The following HPSE2 variants were observed in gnomAD, a reference collection of about 807,000 sequenced individuals.
HPSE2 encodes the protein inactive heparanase-2.
HPSE2 carries 38 observed loss-of-function variants against 60.5 expected under a neutral mutation model. That is an observed-to-expected ratio of 0.63 (90% CI 0.48 to 0.82). The LOEUF (loss-of-function observed/expected upper bound fraction) is 0.82. HPSE2 is among the 40% of genes least tolerant of loss of function. The probability of loss-of-function intolerance (pLI) is 0.00; values close to 1 mark genes in which losing one functional copy is unlikely to be tolerated. For missense variants in HPSE2, 713 were observed against 740.4 expected, an observed-to-expected ratio of 0.96 and a Z score of 0.43; for synonymous variants, 295 against 293.2, an observed-to-expected ratio of 1.01 and a Z score of -0.06.
At position 98,472,987 on chromosome 10, in the gene HPSE2, T is replaced by C. The variant is rs1940842631; in HGVS notation, c.1613+9649A>G. 2.6e-5 allele frequency among the ~76,000 whole-genome samples: 4 copies of C among 152,134 alleles called. No individual in the cohort carries two copies. The South Asian group carries it at 8.3e-4, about 32-fold the overall frequency. ...GGACATAGAAAATTCATAAAAGCAA[T>C]ACAATACTAACATATGAAAAATCTT... On this transcript the variant is annotated intron_variant, in intron 11 of 11. Transcript: ENST00000370552.
chr10:98,917,235 T>G (rs1234548926), intron 3 of HPSE2, among the ~76,000 whole-genome samples: 2 of 152,152 alleles, frequency 1.3e-5, no homozygotes, highest in African/African-American at 4.8e-5. Flanking sequence ...ACTAACATTT[T>G]TAATAGAAAC....
chr10:99,107,359 T>C (rs1389094243), intron 3 of HPSE2, among the ~76,000 whole-genome samples: 5 of 152,200 alleles, frequency 3.3e-5, no homozygotes, highest in Non-Finnish European at 7.4e-5. Context: ...GTTTCTATTC[T>C]GATACTGCAA....
chr10:98,797,195 G>C (rs1211433282), intron 3 of HPSE2, among the ~76,000 whole-genome samples: 1 of 152,118 alleles, frequency 6.6e-6, no homozygotes, highest in Non-Finnish European at 1.5e-5. Context: ...CTTCCAGACA[G>C]AGTATTCAAA....
At chr10:99,235,911 C>T (rs1209491780), upstream of HPSE2, 21 of 836,818 alleles carry the variant, frequency 2.5e-5, no homozygotes, top group Middle Eastern at 6.6e-4. Flanking sequence ...TTTTCCCTTC[C>T]TCCCACCACC....
At chr10:99,256,144 C>T in the HPSE2 span, among the ~76,000 whole-genome samples, 1 of 151,556 alleles carries the variant, frequency 6.6e-6, no homozygotes, top group South Asian at 2.1e-4. Flanking sequence ...CAGGCCCTTC[C>T]TCCACCACTG....
At chr10:98,513,145 A>T (rs1356726642) in intron 9 of HPSE2, among the ~76,000 whole-genome samples, 1 of 152,192 alleles carries the variant, frequency 6.6e-6, no homozygotes, top group Non-Finnish European at 1.5e-5. Flanking sequence ...AGGGTTTTCA[A>T]TAAACGGTTG....
chr10:98,637,397 G>T (rs1946525714), intron 7 of HPSE2, among the ~76,000 whole-genome samples: 1 of 152,136 alleles, frequency 6.6e-6, no homozygotes, highest in African/African-American at 2.4e-5. Flanking sequence ...TCTAGTCACA[G>T]AAATTATTAA....
chr10:98,874,155 T>C lies in HPSE2; in HGVS notation c.611-130099A>G, dbSNP rs182705410. Among the ~76,000 whole-genome samples the C allele has an allele frequency of 5.4e-3, 806 of 149,594 alleles. 5 individuals carry two copies. Among genetic ancestry groups the C allele is most frequent in the African/African-American group, 0.019 (772 of 39,632 alleles). ...AAAAATTTTCTCCCATTCTGTATGT[T>C]GTGTGTTCACTCTGATGTTTTTTTT... is the stretch of plus-strand genomic sequence containing the variant. On this transcript the variant is annotated intron_variant, in intron 3 of 11. Transcript: ENST00000370552.
intron 9 of HPSE2, among the ~76,000 whole-genome samples, chr10:98,555,598 C>A (rs1461867214): frequency 1.3e-5 from 2 of 152,182 alleles, no homozygotes; most frequent in South Asian, 2.1e-4. Context: ...AATAAGCCCA[C>A]GTGATTCTAT....
Position 99,126,062 on chromosome 10 carries a change from A to G in HPSE2, c.610+18176T>C, listed in dbSNP as rs1256678500. Among the ~76,000 whole-genome samples the G allele has an allele frequency of 6.6e-6, 1 of 152,120 alleles. No homozygotes were observed. The highest frequency in any genetic ancestry group is 6.5e-5 in the Admixed American group (1 of 15,278). On this transcript the variant is annotated intron_variant, in intron 3 of 11. Coordinates refer to ENST00000370552, the MANE Select transcript of HPSE2 (RefSeq NM_021828.5). This position sits in a 1 kb window ranked among gnomAD's most constrained non-coding sequence, Gnocchi z 4.0. ...AGCAGATGGGAGGGGCAGGGCCTGA[A>G]ATCTGTGCTTGCTTTCTCAGCAGGG...
intron 9 of HPSE2, among the ~76,000 whole-genome samples, chr10:98,594,886 T>C (rs1945187384): frequency 6.6e-6 from 1 of 152,172 alleles, no homozygotes; most frequent in Non-Finnish European, 1.5e-5. Context: ...CATACTGTTT[T>C]CCAATAATGA....
Position 98,909,208 on chromosome 10 carries a change from A to G in HPSE2, c.611-165152T>C, listed in dbSNP as rs535278375. The stretch of plus-strand genomic sequence containing the variant: ...AAACTACTAATGTATTATGCTACTG[A>G]CATTTCAGGGTTTGTTACCTCAGTA... On this transcript the variant is annotated intron_variant, in intron 3 of 11. Coordinates refer to ENST00000370552, the MANE Select transcript of HPSE2 (RefSeq NM_021828.5). Among the ~76,000 whole-genome samples, 45 of 152,272 alleles carry G rather than the reference A, an allele frequency of 3.0e-4. No individual in the cohort carries two copies. In the South Asian group the frequency reaches 6.6e-3, roughly 22 times the overall value.
intron 9 of HPSE2, among the ~76,000 whole-genome samples, chr10:98,544,329 C>T (rs181809002): frequency 6.6e-6 from 1 of 152,280 alleles, no homozygotes; most frequent in East Asian, 1.9e-4. Flanking sequence ...ACATTCAAAG[C>T]AGTGTAAAGA....
intron 3 of HPSE2, among the ~76,000 whole-genome samples, chr10:98,827,719 C>T (rs1249575710): frequency 6.6e-6 from 1 of 152,168 alleles, no homozygotes; most frequent in Admixed American, 6.5e-5. Context: ...GGTAAAAATT[C>T]ATAGTTAAAA....
chr10:99,086,939 T>A (rs993093921), intron 3 of HPSE2, among the ~76,000 whole-genome samples: 2 of 152,232 alleles, frequency 1.3e-5, no homozygotes, highest in Non-Finnish European at 2.9e-5. Flanking sequence ...TAGCAATTAT[T>A]AAACTCTAGA....
At chr10:99,260,254 A>C in the HPSE2 span, among the ~76,000 whole-genome samples, 3 of 143,066 alleles carry the variant, frequency 2.1e-5, no homozygotes, top group East Asian at 2.1e-4. Flanking sequence ...AAAAAAAAAA[A>C]CCCTGTTGCT....
chr10:99,268,130 G>A, the HPSE2 span, among the ~76,000 whole-genome samples: 2 of 152,164 alleles, frequency 1.3e-5, no homozygotes, highest in African/African-American at 4.8e-5. Context: ...AGCTAGAAGG[G>A]ATTGGGGCCC....
intron 6 of HPSE2, among the ~76,000 whole-genome samples, chr10:98,678,305 C>CA (rs1947698584): frequency 6.6e-6 from 1 of 151,996 alleles, no homozygotes; most frequent in South Asian, 2.1e-4. Context: ...AGTTTAATGC[C>CA]AAAAAATGTG....
intron 2 of HPSE2, among the ~76,000 whole-genome samples, chr10:99,204,133 A>G (rs1848665368): frequency 6.6e-6 from 1 of 152,140 alleles, no homozygotes; most frequent in South Asian, 2.1e-4. Context: ...CAGGTCCCCT[A>G]CATTGGACCC....
Sources: allele counts gnomAD v4.1 joint callset (sites outside exome capture counted in the v4.1 genomes callset), GRCh38; gene constraint gnomAD v4.1.1; non-coding constraint Gnocchi (gnomAD v3.1); transcripts MANE v1.5; gene names NCBI Gene and HGNC (gene_info 2026-07-23, HGNC 2026-07-21).